PRIM2: variants seen among roughly 807,000 people sequenced by gnomAD.
PRIM2 encodes DNA primase large subunit.
PRIM2 carries 39 observed loss-of-function variants against 67.3 expected under a neutral mutation model. The observed-to-expected ratio is 0.58, with a 90% CI of 0.45 to 0.76. PRIM2 has a LOEUF of 0.76. Ranked by LOEUF, PRIM2 falls within the 30% of genes least tolerant of loss-of-function variation. The pLI is 0.00. For synonymous variants in PRIM2, 143 were observed against 198.7 expected, an observed-to-expected ratio of 0.72 and a Z score of 2.36; for missense variants, 398 against 598.7, an observed-to-expected ratio of 0.66 and a Z score of 3.50.
At chr6:57,334,396 C>G (rs1375158268) in intron 5 of PRIM2, among the ~76,000 whole-genome samples, 1 of 152,150 alleles carries the variant, frequency 6.6e-6, no homozygotes, top group African/African-American at 2.4e-5. Context: ...CTTCAGCATA[C>G]TGATTTCATT....
chr6:57,387,712 A>AT (rs142783340), intron 7 of PRIM2, among the ~76,000 whole-genome samples: 6 of 151,170 alleles, frequency 4.0e-5, no homozygotes, highest in South Asian at 4.2e-4. Flanking sequence ...GGAAAGATAG[A>AT]TTTTTTTTGC....
intron 7 of PRIM2, among the ~76,000 whole-genome samples, chr6:57,469,533 A>ATATGACTTAT (rs1773287427): frequency 6.6e-6 from 1 of 152,240 alleles, no homozygotes; most frequent in Non-Finnish European, 1.5e-5. Context: ...ATCAGAGCAT[A>ATATGACTTAT]CAGATCAGTC....
intron 5 of PRIM2, among the ~76,000 whole-genome samples, chr6:57,327,467 G>T (rs1767903845): frequency 6.6e-6 from 1 of 152,312 alleles, no homozygotes; most frequent in Admixed American, 6.5e-5. Context: ...ACTGTGAAGG[G>T]AAGTGAACAA....
At chr6:57,465,513 C>T (rs1280752758) in intron 7 of PRIM2, among the ~76,000 whole-genome samples, 1 of 152,056 alleles carries the variant, frequency 6.6e-6, no homozygotes, top group Admixed American at 6.6e-5. Flanking sequence ...TGGACTTTGT[C>T]GCAGATCTGG....
At chr6:57,288,136 C>T in the PRIM2 span, among the ~76,000 whole-genome samples, 1 of 152,202 alleles carries the variant, frequency 6.6e-6, no homozygotes, top group South Asian at 2.1e-4. Context: ...ATGCCTGGCT[C>T]GCCAGGTCCC....
At chr6:57,466,946 G>A (rs1197059894) in intron 7 of PRIM2, among the ~76,000 whole-genome samples, 5 of 151,894 alleles carry the variant, frequency 3.3e-5, no homozygotes, top group Admixed American at 2.6e-4. Flanking sequence ...ATGGAGAAAC[G>A]CTGTCTCTAC....
At chr6:57,479,256 G>A (rs1378829849) in intron 7 of PRIM2, among the ~76,000 whole-genome samples, 1 of 152,158 alleles carries the variant, frequency 6.6e-6, no homozygotes, top group Admixed American at 6.5e-5. Context: ...TTTGTGTGTT[G>A]GTTGATAATT....
At position 57,579,156 on chromosome 6, in the gene PRIM2, GT is replaced by G. The variant is rs1364730669; in HGVS notation, c.1021-21923del. Among the ~76,000 whole-genome samples the G allele has an allele frequency of 2.4e-3, 351 of 144,186 alleles. 6 individuals are homozygous for G. In the South Asian group the frequency reaches 0.027, roughly 11 times the overall value. 94.6% of individuals were successfully genotyped at this position (144,186 alleles called of 152,430 possible). Reference sequence around the variant, plus strand: ...TACGTTTTTTCTAATTCTTGATACAGTTTTTTTTTTTTTTGGATACATTTCT... The same window carrying G: ...TACGTTTTTTCTAATTCTTGATACAGTTTTTTTTTTTTTGGATACATTTCT... On this transcript the variant is annotated intron_variant, in intron 10 of 13. Coordinates refer to ENST00000615550, the MANE Select transcript of PRIM2 (RefSeq NM_000947.5).
At chr6:57,373,364 G>T (rs1769633498) in intron 5 of PRIM2, among the ~76,000 whole-genome samples, 1 of 151,898 alleles carries the variant, frequency 6.6e-6, no homozygotes, top group Non-Finnish European at 1.5e-5. Context: ...ACCTTTGTCA[G>T]ATGTATAGAT....
At chr6:57,488,059 T>A (rs1773794782) in intron 7 of PRIM2, among the ~76,000 whole-genome samples, 1 of 152,170 alleles carries the variant, frequency 6.6e-6, no homozygotes, top group South Asian at 2.1e-4. Flanking sequence ...TTAAAGGTCA[T>A]ATAGCTAGTA....
intron 7 of PRIM2, among the ~76,000 whole-genome samples, chr6:57,434,059 G>T (rs987024820): frequency 6.6e-5 from 10 of 151,934 alleles, no homozygotes; most frequent in African/African-American, 2.2e-4. Context: ...CTGGCAGCTG[G>T]GATTACAAGC....
chr6:57,376,024 T>A (rs1366348616), intron 5 of PRIM2, among the ~76,000 whole-genome samples: 1 of 152,016 alleles, frequency 6.6e-6, no homozygotes, highest in Non-Finnish European at 1.5e-5. Flanking sequence ...CTGAGCAACA[T>A]AGGGAGATCC....
intron 7 of PRIM2, among the ~76,000 whole-genome samples, chr6:57,499,163 A>G (rs1421161298): frequency 9.2e-5 from 14 of 152,326 alleles, no homozygotes; most frequent in African/African-American, 3.4e-4. Context: ...ACTAATCTAT[A>G]ATTGCTTAAA....
intron 4 of PRIM2, among the ~76,000 whole-genome samples, chr6:57,325,430 A>C (rs1244766504): frequency 6.6e-6 from 1 of 151,422 alleles, no homozygotes; most frequent in East Asian, 1.9e-4. Context: ...CCTCCTGAGG[A>C]GCTGGGACTA....
intron 10 of PRIM2, among the ~76,000 whole-genome samples, chr6:57,590,787 G>T (rs1199076369): frequency 6.6e-6 from 1 of 152,200 alleles, no homozygotes; most frequent in Non-Finnish European, 1.5e-5. Context: ...TTTGGTCAAG[G>T]AGAGCATTTT....
intron 7 of PRIM2, among the ~76,000 whole-genome samples, chr6:57,478,872 C>T (rs1171973209): frequency 4.6e-5 from 7 of 152,174 alleles, no homozygotes; most frequent in African/African-American, 1.2e-4. Flanking sequence ...TTCGGCTGGG[C>T]GCGGTGGCTC....
At chr6:57,455,576 A>G (rs1772739833) in intron 7 of PRIM2, among the ~76,000 whole-genome samples, 1 of 152,112 alleles carries the variant, frequency 6.6e-6, no homozygotes, top group Non-Finnish European at 1.5e-5. Flanking sequence ...TTGTTGGTTT[A>G]AAGTCTGTTT....
At chr6:57,280,397 A>T in the PRIM2 span, among the ~76,000 whole-genome samples, 7 of 148,230 alleles carry the variant, frequency 4.7e-5, no homozygotes, top group Non-Finnish European at 9.0e-5. Context: ...TTTTTTTTTT[A>T]AATAAACTTT....
At chr6:57,340,550 T>C (rs1258171101) in intron 5 of PRIM2, among the ~76,000 whole-genome samples, 3 of 152,178 alleles carry the variant, frequency 2.0e-5, no homozygotes, top group African/African-American at 7.2e-5. Context: ...GTTCATGTCC[T>C]TTGTAGGGAC....
Sources: allele counts gnomAD v4.1 joint callset (sites outside exome capture counted in the v4.1 genomes callset), GRCh38; gene constraint gnomAD v4.1.1; transcripts MANE v1.5; gene names NCBI Gene and HGNC (gene_info 2026-07-23, HGNC 2026-07-21).